Variants in MAPKAP1 observed in about 807,000 individuals in gnomAD.
MAPKAP1 encodes target of rapamycin complex 2 subunit MAPKAP1.
Under a neutral mutation model 65.7 loss-of-function variants are expected in MAPKAP1, and 20 were observed. That is an observed-to-expected ratio of 0.30 (90% CI 0.21 to 0.44). The LOEUF (loss-of-function observed/expected upper bound fraction) is 0.44, where lower values mean the gene tolerates loss of function less well. MAPKAP1 is among the 20% of genes least tolerant of loss of function. The pLI, the probability that MAPKAP1 is intolerant of heterozygous loss-of-function variation, is 1.00. For missense variants in MAPKAP1, 423 were observed against 648.0 expected (o/e 0.65, Z 3.77); for synonymous variants, 222 against 244.3 (o/e 0.91, Z 0.85).
intron 6 of MAPKAP1, among the ~76,000 whole-genome samples, chr9:125,553,540 C>T (rs1327031937): frequency 6.7e-6 from 1 of 150,332 alleles, no homozygotes; most frequent in Non-Finnish European, 1.5e-5. Context: ...GAAACTCTAC[C>T]CAAAAAAATG....
chr9:125,673,621 T>C (rs772050640), intron 1 of MAPKAP1, among the ~76,000 whole-genome samples: 15 of 152,116 alleles, frequency 9.9e-5, no homozygotes, highest in Non-Finnish European at 2.2e-4. Flanking sequence ...TCCTCAGTCC[T>C]GTTAAAACTG....
At chr9:125,521,000 C>T (rs1829600710) in intron 7 of MAPKAP1, among the ~76,000 whole-genome samples, 1 of 152,234 alleles carries the variant, frequency 6.6e-6, no homozygotes, top group South Asian at 2.1e-4. Context: ...TATCCCAACA[C>T]ATATCCTACC....
At chr9:125,679,385 A>G (rs898759370) in intron 1 of MAPKAP1, among the ~76,000 whole-genome samples, 3 of 152,228 alleles carry the variant, frequency 2.0e-5, no homozygotes, top group Non-Finnish European at 2.9e-5. Context: ...TGTGAAAGAC[A>G]TAAGAGAGCA....
At chr9:125,542,683 C>A (rs1271729851) in intron 7 of MAPKAP1, among the ~76,000 whole-genome samples, 1 of 152,038 alleles carries the variant, frequency 6.6e-6, no homozygotes, top group East Asian at 1.9e-4. Flanking sequence ...ACTAAAAGTT[C>A]TCCCATGGGA....
chr9:125,517,652 G>A (rs1350101329), intron 7 of MAPKAP1, among the ~76,000 whole-genome samples: 10 of 152,180 alleles, frequency 6.6e-5, no homozygotes, highest in Admixed American at 5.2e-4. Context: ...AGGGCGTACC[G>A]CTGAATTTCC....
intron 7 of MAPKAP1, among the ~76,000 whole-genome samples, chr9:125,536,010 T>C (rs1173573727): frequency 6.6e-6 from 1 of 152,242 alleles, no homozygotes; most frequent in Non-Finnish European, 1.5e-5. Context: ...GATTAGCGAC[T>C]AGCAGGAAGA....
At chr9:125,698,288 A>AATATATATAAATAT (rs1835461807) in intron 1 of MAPKAP1, among the ~76,000 whole-genome samples, 4 of 49,040 alleles carry the variant, frequency 8.2e-5, no homozygotes, top group Admixed American at 2.6e-4. Flanking sequence ...AATATATATA[A>AATATATATAAATAT]ATATATATAT....
intron 9 of MAPKAP1, among the ~76,000 whole-genome samples, chr9:125,483,484 G>A (rs1411854029): frequency 2.0e-5 from 3 of 152,226 alleles, no homozygotes; most frequent in Non-Finnish European, 4.4e-5. Context: ...CAAAGCATTT[G>A]TGAGAAACAT....
At chr9:125,592,378 G>A (rs1255897024) in intron 4 of MAPKAP1, among the ~76,000 whole-genome samples, 1 of 152,132 alleles carries the variant, frequency 6.6e-6, no homozygotes, top group African/African-American at 2.4e-5. Flanking sequence ...TTCCCTCTGA[G>A]ACACGGGATT....
chr9:125,529,590 T>C (rs910331799), intron 7 of MAPKAP1, among the ~76,000 whole-genome samples: 1 of 152,218 alleles, frequency 6.6e-6, no homozygotes, highest in Admixed American at 6.5e-5. Context: ...TGTGATTATG[T>C]GGTGACAGTT....
At chr9:125,476,563 A>C (rs1303888028) in intron 9 of MAPKAP1, among the ~76,000 whole-genome samples, 7 of 152,142 alleles carry the variant, frequency 4.6e-5, no homozygotes, top group Admixed American at 2.6e-4. Context: ...GAAACTAACA[A>C]GGGAAAATGT....
chr9:125,656,795 G>A (rs1010291905), intron 4 of MAPKAP1, among the ~76,000 whole-genome samples: 3 of 152,094 alleles, frequency 2.0e-5, no homozygotes, highest in African/African-American at 7.2e-5. Context: ...AAAATCAACC[G>A]CTACTGTCTT....
intron 4 of MAPKAP1, 87 bp from the exon 5 acceptor site, chr9:125,585,814 A>AT: frequency 7.6e-7 from 1 of 1,311,488 alleles, no homozygotes. Flanking sequence ...CAGCACAGCC[A>AT]TTTTTCATCC....
chr9:125,672,504 G>A lies in MAPKAP1; in HGVS notation c.71C>T (p.Thr24Met), dbSNP rs1254700721. Residue 24 changes from threonine (T) to methionine (M), a missense_variant, in exon 2 of 12, where the codon ACG becomes ATG. Thr to Met is a moderately conservative substitution (Grantham distance 81). This residue lies in a region of MAPKAP1 where 14 missense variants were observed against 35.3 expected (regional missense o/e 0.40). Coordinates refer to ENST00000265960, the MANE Select transcript of MAPKAP1 (RefSeq NM_001006617.3). ...IRQSHVTSDD[T>M]GMCEMVLIDH... ...AATGAGAACCATCTCACACATTCCC[G>A]TGTCATCACTGGTCACATGTGACTG... is the stretch of plus-strand genomic sequence containing the variant. 9 of 1,614,088 alleles carry A rather than the reference G, an allele frequency of 5.6e-6. No individual in the cohort carries two copies. The highest frequency in any genetic ancestry group is 6.8e-6 in the Non-Finnish European group (8 of 1,179,964).
chr9:125,626,853 TAACA>T (rs1021672952), intron 4 of MAPKAP1, among the ~76,000 whole-genome samples: 43 of 152,240 alleles, frequency 2.8e-4, no homozygotes, highest in African/African-American at 1.0e-3. Flanking sequence ...CAATAATTAC[TAACA>T]TATATAGAAG....
At position 125,439,030 on chromosome 9, in the gene MAPKAP1, C is replaced by A; in HGVS notation, c.1444-18G>T. 6.2e-7 allele frequency: 1 copy of A among 1,611,280 alleles called. No homozygotes were observed. Among genetic ancestry groups the A allele is most frequent in the Non-Finnish European group, 8.5e-7 (1 of 1,178,966 alleles). On this transcript the variant is annotated intron_variant, in intron 11 of 11. Coordinates refer to ENST00000265960, the MANE Select transcript of MAPKAP1 (RefSeq NM_001006617.3). This position sits in a 1 kb window ranked among gnomAD's most constrained non-coding sequence, Gnocchi z 4.0. The stretch of plus-strand genomic sequence containing the variant: ...TAGTTAACCTAGAAACAAGAGCACA[C>A]AGCCCGGTCACCTTGCCAGCCGCTC...
intron 7 of MAPKAP1, among the ~76,000 whole-genome samples, chr9:125,516,144 G>A (rs539762523): frequency 6.6e-6 from 1 of 152,280 alleles, no homozygotes; most frequent in South Asian, 2.1e-4. Flanking sequence ...GAAAGAAGAC[G>A]CCGTCTACAA....
chr9:125,581,797 A>AT (rs939225359), intron 5 of MAPKAP1, among the ~76,000 whole-genome samples: 6 of 151,682 alleles, frequency 4.0e-5, no homozygotes, highest in Admixed American at 2.0e-4. Context: ...ATTTAGGTTG[A>AT]TTTTTTCAGC....
chr9:125,615,426 T>G lies in MAPKAP1; in HGVS notation c.499-29699A>C, dbSNP rs149387719. On this transcript the variant is annotated intron_variant, in intron 4 of 11. Coordinates refer to ENST00000265960, the MANE Select transcript of MAPKAP1 (RefSeq NM_001006617.3). Reference sequence around the variant, plus strand: ...ATATGGAAGGGGCTGGGCATGGTGGTTCACACCTGTAATCCCAGCACTTTG... The same window carrying G: ...ATATGGAAGGGGCTGGGCATGGTGGGTCACACCTGTAATCCCAGCACTTTG... 4.5e-3 allele frequency among the ~76,000 whole-genome samples: 681 copies of G among 151,940 alleles called. 4 individuals carry two copies. Among genetic ancestry groups the G allele is most frequent in the African/African-American group, 0.015 (638 of 41,402 alleles).
Sources: gnomAD v4.1 joint callset for allele counts (sites outside exome capture counted in the v4.1 genomes callset) on GRCh38, gnomAD v4.1.1 for gene constraint, gnomAD v4.1.1 regional missense constraint, Gnocchi (gnomAD v3.1) non-coding constraint, MANE v1.5 for transcripts, NCBI Gene and HGNC (gene_info 2026-07-23, HGNC 2026-07-21) for gene names.